SLC6A16: variants seen among roughly 807,000 people sequenced by gnomAD.
The protein encoded by SLC6A16 is solute carrier family 6 member 16, also known as orphan sodium- and chloride-dependent neurotransmitter transporter NTT5.
Under a neutral mutation model 65.4 loss-of-function variants are expected in SLC6A16, and 54 were observed. The observed-to-expected ratio is 0.83, with a 90% confidence interval of 0.66 to 1.04. The LOEUF (loss-of-function observed/expected upper bound fraction) is 1.04, where lower values mean the gene tolerates loss of function less well. Among genes scored for constraint, SLC6A16 ranks in the 50% least tolerant of loss-of-function variants. The pLI is 0.00. For missense variants in SLC6A16, 816 were observed against 914.0 expected (o/e 0.89, Z 1.38); for synonymous variants, 330 against 346.5 (o/e 0.95, Z 0.53).
intron 7 of SLC6A16, among the ~76,000 whole-genome samples, chr19:49,298,524 C>A (rs1970225566): frequency 6.6e-6 from 1 of 152,116 alleles, no homozygotes; most frequent in African/African-American, 2.4e-5. Context: ...CCACACCAAT[C>A]AGAATGGCTA....
At chr19:49,339,004 GT>G in the SLC6A16 span, 1 of 1,248,354 alleles carries the variant, frequency 8.0e-7, no homozygotes, top group Non-Finnish European at 1.2e-6. This position sits in a 1 kb window ranked among gnomAD's most constrained non-coding sequence, Gnocchi z 4.5. Flanking sequence ...AGGGCTGTCA[GT>G]GAGTAGCGGC....
At chr19:49,290,418 A>G (rs1290133019) in intron 11 of SLC6A16, 26 bp from the exon 12 acceptor site, 1 of 1,596,530 alleles carries the variant, frequency 6.3e-7, no homozygotes, top group Non-Finnish European at 8.5e-7. Context: ...AAAAGGGTTC[A>G]GAATATCAAA....
chr19:49,313,072 C>CAAAAAAAAAAAAAAAAA lies in SLC6A16; in HGVS notation c.-64-1678_-64-1662dup, dbSNP rs5828385. Among the ~76,000 whole-genome samples the CAAAAAAAAAAAAAAAAA allele has an allele frequency of 1.1e-4, 11 of 95,778 alleles. 1 individual carries two copies. The highest frequency in any genetic ancestry group is 5.8e-4 in the African/African-American group (11 of 18,978). The allele number at this position is 95,778 out of a possible 152,430, so 62.8% of individuals were successfully genotyped here. A position where few individuals can be genotyped will look rare whatever the true frequency, so the allele number is the denominator to read the frequency against. Reference sequence around the variant, plus strand: ...CACTCCAGCCTGGGCAACCCTGTCTCAAAAAAAAAAAAAAAAAAAAAAAGA... The same window carrying CAAAAAAAAAAAAAAAAA: ...CACTCCAGCCTGGGCAACCCTGTCTCAAAAAAAAAAAAAAAAAAAAAAAAAAAAAAAAAAAAAAAAGA... On this transcript the variant is annotated intron_variant, in intron 1 of 11. Coordinates refer to ENST00000335875, the MANE Select transcript of SLC6A16 (RefSeq NM_014037.3).
At chr19:49,312,933 T>C (rs919856066) in intron 1 of SLC6A16, among the ~76,000 whole-genome samples, 7 of 152,046 alleles carry the variant, frequency 4.6e-5, no homozygotes, top group African/African-American at 1.7e-4. Context: ...CAGAAGATGA[T>C]CAGGCCAGGC....
At chr19:49,295,858 C>T (rs1970176084) in intron 7 of SLC6A16, among the ~76,000 whole-genome samples, 1 of 152,202 alleles carries the variant, frequency 6.6e-6, no homozygotes, top group Admixed American at 6.5e-5. Flanking sequence ...AAGGGCTACA[C>T]CTTCACAATA....
chr19:49,307,322 A>C (rs1970410246), intron 7 of SLC6A16, among the ~76,000 whole-genome samples: 1 of 151,922 alleles, frequency 6.6e-6, no homozygotes, highest in African/African-American at 2.4e-5. Context: ...TTGTGCAAAA[A>C]GTAGAACAAA....
chr19:49,336,815 T>C, the SLC6A16 span: 1 of 1,389,778 alleles, frequency 7.2e-7, no homozygotes. Context: ...GGCACCAAGA[T>C]ACTGCTCCCC....
At chr19:49,308,657 G>T in intron 7 of SLC6A16, 1 of 593,942 alleles carries the variant, frequency 1.7e-6, no homozygotes, top group Non-Finnish European at 3.0e-6. Flanking sequence ...CTCTGAGTTT[G>T]AAGATTTATT....
At chr19:49,310,193 G>C in intron 3 of SLC6A16, 27 bp from the exon 4 acceptor site, 1 of 1,613,872 alleles carries the variant, frequency 6.2e-7, no homozygotes. Flanking sequence ...ATATGGCTGG[G>C]GAGGAAGAGC....
At chr19:49,324,042 A>C (rs1323640771) in intron 1 of SLC6A16, among the ~76,000 whole-genome samples, 1 of 151,924 alleles carries the variant, frequency 6.6e-6, no homozygotes, top group Non-Finnish European at 1.5e-5. Flanking sequence ...AAAAATAATA[A>C]TAATAGGCTG....
chr19:49,329,608 T>A (rs1442344284), upstream of SLC6A16, among the ~76,000 whole-genome samples: 1 of 145,980 alleles, frequency 6.9e-6, no homozygotes, highest in African/African-American at 2.5e-5. Context: ...CTGGGCAACA[T>A]AGCAAGGCCT....
intron 5 of SLC6A16, 107 bp downstream of exon 5, chr19:49,309,544 G>A: frequency 7.9e-7 from 1 of 1,270,784 alleles, no homozygotes; most frequent in Admixed American, 1.9e-5. Flanking sequence ...CAGGGGCTAG[G>A]GGAGTAAAAG....
chr19:49,335,704 C>A, the SLC6A16 span: 2 of 1,613,960 alleles, frequency 1.2e-6, no homozygotes, highest in Non-Finnish European at 1.7e-6. This position sits in a 1 kb window ranked among gnomAD's most constrained non-coding sequence, Gnocchi z 4.6. Flanking sequence ...TCCGCATCTC[C>A]TCTCCCCAGG....
chr19:49,293,173 C>T, intron 10 of SLC6A16, 50 bp downstream of exon 10: 1 of 1,587,364 alleles, frequency 6.3e-7, no homozygotes, highest in Non-Finnish European at 8.6e-7. Context: ...AAAGGGGTCA[C>T]CCTTCCCTAT....
intron 7 of SLC6A16, among the ~76,000 whole-genome samples, chr19:49,301,918 C>A (rs1970298567): frequency 6.6e-6 from 1 of 152,180 alleles, no homozygotes; most frequent in African/African-American, 2.4e-5. Flanking sequence ...CACAGCCATG[C>A]CTCCCCATCC....
chr19:49,314,812 T>C (rs778106800), intron 1 of SLC6A16, among the ~76,000 whole-genome samples: 7 of 152,156 alleles, frequency 4.6e-5, no homozygotes, highest in Non-Finnish European at 1.0e-4. Flanking sequence ...TGAAGTACAT[T>C]CTGTAAAATA....
the SLC6A16 span, chr19:49,339,969 A>T: frequency 7.1e-7 from 1 of 1,416,620 alleles, no homozygotes; most frequent in Non-Finnish European, 9.2e-7. This position sits in a 1 kb window ranked among gnomAD's most constrained non-coding sequence, Gnocchi z 4.5. Flanking sequence ...AGGCTGAGGC[A>T]GAGGGGGAAG....
chr19:49,307,431 G>T (rs915426141), intron 7 of SLC6A16, among the ~76,000 whole-genome samples: 15 of 152,130 alleles, frequency 9.9e-5, no homozygotes, highest in African/African-American at 3.6e-4. Flanking sequence ...ACCCTACTCA[G>T]CAATTCCTTT....
the SLC6A16 span, chr19:49,340,194 A>AC: frequency 2.0e-6 from 3 of 1,529,222 alleles, no homozygotes; most frequent in Non-Finnish European, 2.7e-6. Context: ...GGTGGGCATC[A>AC]CCCCCGTCTC....
Sources: gnomAD v4.1 joint callset for allele counts (sites outside exome capture counted in the v4.1 genomes callset) on GRCh38, gnomAD v4.1.1 for gene constraint, Gnocchi (gnomAD v3.1) non-coding constraint, MANE v1.5 for transcripts, NCBI Gene and HGNC (gene_info 2026-07-23, HGNC 2026-07-21) for gene names.